The following DNAJC11 variants were observed in gnomAD, a reference collection of about 807,000 sequenced individuals.
DNAJC11 encodes the protein DnaJ heat shock protein family (Hsp40) member C11.
Under a neutral mutation model 78.6 loss-of-function variants are expected in DNAJC11, and 15 were observed. That is an observed-to-expected ratio of 0.19 (90% CI 0.13 to 0.29). The LOEUF (loss-of-function observed/expected upper bound fraction) is 0.29, where lower values mean the gene tolerates loss of function less well. Among genes scored for constraint, DNAJC11 ranks in the 10% least tolerant of loss-of-function variants. DNAJC11 has a pLI of 1.00. For synonymous variants in DNAJC11, 292 were observed against 272.1 expected, an observed-to-expected ratio of 1.07 and a Z score of -0.72; for missense variants, 547 against 709.6, an observed-to-expected ratio of 0.77 and a Z score of 2.60.
chr1:6,676,130 G>A (rs2147876224), intron 3 of DNAJC11, among the ~76,000 whole-genome samples: 1 of 152,320 alleles, frequency 6.6e-6, no homozygotes, highest in South Asian at 2.1e-4. Context: ...TTCCCATCAA[G>A]CCAGAGGCCA....
intron 12 of DNAJC11, 58 bp downstream of exon 12, chr1:6,638,236 GT>G: frequency 1.3e-6 from 2 of 1,541,220 alleles, no homozygotes. Context: ...AGACCAACAT[GT>G]GGGGTGTGGA....
intron 4 of DNAJC11, among the ~76,000 whole-genome samples, chr1:6,663,544 C>T (rs1010689585): frequency 1.3e-5 from 2 of 152,146 alleles, no homozygotes; most frequent in African/African-American, 4.8e-5. Flanking sequence ...CCTTAAAATG[C>T]AAGAAATGCG....
At chr1:6,690,240 T>C (rs1436533769) in intron 1 of DNAJC11, among the ~76,000 whole-genome samples, 5 of 152,232 alleles carry the variant, frequency 3.3e-5, no homozygotes, top group African/African-American at 1.2e-4. Context: ...ATCCAAATTA[T>C]ATAAGTAACC....
chr1:6,675,218 C>T (rs1642442586), intron 3 of DNAJC11, among the ~76,000 whole-genome samples: 1 of 151,096 alleles, frequency 6.6e-6, no homozygotes, highest in African/African-American at 2.4e-5. Context: ...GAGTAAATAT[C>T]TGGGGAGGTG....
At chr1:6,639,838 T>C in intron 11 of DNAJC11, 64 bp downstream of exon 11, 3 of 1,548,956 alleles carry the variant, frequency 1.9e-6, no homozygotes, top group Non-Finnish European at 2.6e-6. Flanking sequence ...TCCTCTCCAT[T>C]TTAAGGGTGA....
intron 1 of DNAJC11, 115 bp from the exon 2 acceptor site, chr1:6,681,152 A>C: frequency 9.0e-7 from 1 of 1,116,628 alleles, no homozygotes; most frequent in Non-Finnish European, 1.3e-6. Context: ...TTTGCTCTCG[A>C]CATACAGGAT....
At chr1:6,677,161 AAAAAAAAAAAAAAC>A (rs955927975) in intron 3 of DNAJC11, among the ~76,000 whole-genome samples, 2 of 150,334 alleles carry the variant, frequency 1.3e-5, no homozygotes, top group African/African-American at 4.9e-5. Context: ...TTGGTCTCAA[AAAAAAAAAAAAAAC>A]AAAAAAAACG....
Position 6,634,486 on chromosome 1 carries a change from TGGAGGCCGGCGCAGCTTGG to T in DNAJC11, c.*1170_*1188del, listed in dbSNP as rs1557460869. ...ACTTCAGCAACAGCTGTGGGTGGGC[TGGAGGCCGGCGCAGCTTGG>T]GGCCCCCCGCGCCAGCTGTCTCAGC... On this transcript the variant is annotated 3_prime_UTR_variant, in exon 16 of 16. Coordinates refer to ENST00000377577, the MANE Select transcript of DNAJC11 (RefSeq NM_018198.4). 7.5e-7 allele frequency: 1 copy of T among 1,333,538 alleles called. No individual in the cohort carries two copies. Among genetic ancestry groups the T allele is most frequent in the Non-Finnish European group, 9.9e-7 (1 of 1,005,312 alleles). 82.6% of individuals were successfully genotyped at this position (1,333,538 alleles called of 1,614,324 possible).
intron 10 of DNAJC11, among the ~76,000 whole-genome samples, chr1:6,643,484 C>T (rs11807259): frequency 0.024 from 3,578 of 152,066 alleles, 119 homozygotes; most frequent in African/African-American, 0.074. Context: ...ACCGTGTTAG[C>T]CAGGATGGTC....
Position 6,644,632 on chromosome 1 carries a change from C to T in DNAJC11, c.1023G>A (p.Arg341=), listed in dbSNP as rs146050220. ...FGTVVEYGAE[R]KISRHSVLGA... ...CCAAAACGCTGTGCCTGGAGATCTT[C>T]CTCTCAGCTCCGTACTCCACCACCG... The change falls in exon 10 of 16, where the codon AGG becomes AGA. Residue 341 remains arginine, a synonymous_variant. Coordinates refer to ENST00000377577, the MANE Select transcript of DNAJC11 (RefSeq NM_018198.4). 739 of 1,614,186 alleles carry T rather than the reference C, an allele frequency of 4.6e-4. 5 individuals carry two copies. The African/African-American group carries it at 9.1e-3, about 20-fold the overall frequency.
At chr1:6,648,616 C>T (rs1570272920) in intron 7 of DNAJC11, among the ~76,000 whole-genome samples, 1 of 152,124 alleles carries the variant, frequency 6.6e-6, no homozygotes, top group East Asian at 1.9e-4. Flanking sequence ...GCTACCACAC[C>T]TGGTTAATTT....
At position 6,645,221 on chromosome 1, in the gene DNAJC11, G is replaced by T; in HGVS notation, c.895-95C>A. 1.0e-6 allele frequency: 1 copy of T among 965,350 alleles called. No individual in the cohort carries two copies. The highest frequency in any genetic ancestry group is 1.7e-6 in the Non-Finnish European group (1 of 602,998). The allele number at this position is 965,350 out of a possible 1,614,324, so 59.8% of individuals were successfully genotyped here. On this transcript the variant is annotated intron_variant, in intron 8 of 15. Coordinates refer to ENST00000377577, the MANE Select transcript of DNAJC11 (RefSeq NM_018198.4). The surrounding 1 kb of genome is among the most constrained non-coding windows in gnomAD (Gnocchi z 4.1). ...CTCCCACTAGCTCTGGGCATCTGCT[G>T]CACACAGGCCTTTAAGGCAGGGGTC...
At chr1:6,682,540 C>G (rs991106320) in intron 1 of DNAJC11, among the ~76,000 whole-genome samples, 26 of 152,296 alleles carry the variant, frequency 1.7e-4, no homozygotes, top group African/African-American at 6.3e-4. Context: ...CAGCCCTAGA[C>G]CAGGCTCAGG....
At chr1:6,694,296 C>T (rs1642797962) in intron 1 of DNAJC11, among the ~76,000 whole-genome samples, 1 of 152,122 alleles carries the variant, frequency 6.6e-6, no homozygotes, top group South Asian at 2.1e-4. Context: ...TGCTCCAAGA[C>T]GGATCTCTTG....
At position 6,667,692 on chromosome 1, in the gene DNAJC11, CGT is replaced by C; in HGVS notation, c.378+15_378+16del. ...CTTTTCATGAAGTGTCCTCATGAAACGTGGCCCCTGGCTTACCTTGGGATTGG... is the reference window on the plus strand; with the variant it reads ...CTTTTCATGAAGTGTCCTCATGAAACGGCCCCTGGCTTACCTTGGGATTGG... On this transcript the variant is annotated intron_variant, in intron 4 of 15. Coordinates refer to ENST00000377577, the MANE Select transcript of DNAJC11 (RefSeq NM_018198.4). 6.2e-7 allele frequency: 1 copy of C among 1,609,182 alleles called. No individual in the cohort carries two copies. The highest frequency in any genetic ancestry group is 8.5e-7 in the Non-Finnish European group (1 of 1,175,558).
intron 1 of DNAJC11, 110 bp downstream of exon 1, chr1:6,701,619 C>T: frequency 1.7e-6 from 2 of 1,191,108 alleles, no homozygotes; most frequent in Non-Finnish European, 2.3e-6. Context: ...GCGGCCTCCC[C>T]GACGGACCCG....
chr1:6,698,001 A>G (rs991388305), intron 1 of DNAJC11, among the ~76,000 whole-genome samples: 4 of 152,162 alleles, frequency 2.6e-5, no homozygotes, highest in Admixed American at 2.6e-4. Context: ...CGTGTTAGTC[A>G]GGATGGTCTC....
At chr1:6,674,823 A>G (rs1444864192) in intron 3 of DNAJC11, among the ~76,000 whole-genome samples, 1 of 152,154 alleles carries the variant, frequency 6.6e-6, no homozygotes, top group Non-Finnish European at 1.5e-5. Context: ...AGTGATTTCT[A>G]GTTGGTGGAG....
chr1:6,637,102 G>T, intron 14 of DNAJC11, 96 bp downstream of exon 14: 1 of 1,507,968 alleles, frequency 6.6e-7, no homozygotes, highest in Non-Finnish European at 9.0e-7. Flanking sequence ...CGCCCACCTT[G>T]GCCTTCCAAA....
Sources: allele counts gnomAD v4.1 joint callset (sites outside exome capture counted in the v4.1 genomes callset), GRCh38; gene constraint gnomAD v4.1.1; non-coding constraint Gnocchi (gnomAD v3.1); transcripts MANE v1.5; gene names NCBI Gene and HGNC (gene_info 2026-07-23, HGNC 2026-07-21).